Variants in IGSF11 observed in about 807,000 individuals in gnomAD.
The protein encoded by IGSF11 is CXADR like 1.
IGSF11 carries 22 observed loss-of-function variants against 41.0 expected under a neutral mutation model. That is an observed-to-expected ratio of 0.54 (90% CI 0.38 to 0.77). The LOEUF (loss-of-function observed/expected upper bound fraction) is 0.77, where lower values mean the gene tolerates loss of function less well. IGSF11 is among the 30% of genes least tolerant of loss of function. IGSF11 has a pLI of 0.00. For missense variants in IGSF11, 444 were observed against 530.8 expected (o/e 0.84, Z 1.61); for synonymous variants, 219 against 201.3 (o/e 1.09, Z -0.74).
chr3:119,142,240 A>G (rs2077658507), intron 1 of IGSF11, among the ~76,000 whole-genome samples: 1 of 140,892 alleles, frequency 7.1e-6, no homozygotes, highest in East Asian at 2.1e-4. Context: ...GCGCCACTGC[A>G]TTCCAGCCTG....
At chr3:119,109,830 C>T (rs1030407324), upstream of IGSF11, among the ~76,000 whole-genome samples, 17 of 152,106 alleles carry the variant, frequency 1.1e-4, no homozygotes, top group Non-Finnish European at 1.5e-4. Context: ...TTTATTTCTG[C>T]CTTCCCTTCG....
At chr3:119,032,534 T>C (rs1264059454) in intron 1 of IGSF11, among the ~76,000 whole-genome samples, 1 of 152,150 alleles carries the variant, frequency 6.6e-6, no homozygotes, top group African/African-American at 2.4e-5. Context: ...CCAACTACTT[T>C]TTGGCTCTTT....
chr3:119,045,989 T>C (rs1189019463), intron 1 of IGSF11, among the ~76,000 whole-genome samples: 7 of 151,228 alleles, frequency 4.6e-5, no homozygotes, highest in East Asian at 1.9e-4. Context: ...CAAAAACCCA[T>C]CTGTACATCA....
Position 119,102,699 on chromosome 3 carries a change from C to T in IGSF11, c.49+2445G>A, listed in dbSNP as rs184944966. ...TCAATTATTTTTGTCCCTAATACTT[C>T]TAAATTTTTTGTGGATTCTGTTTCA... On this transcript the variant is annotated intron_variant, in intron 1 of 6. Coordinates refer to the IGSF11 transcript ENST00000354673. 3.9e-5 allele frequency among the ~76,000 whole-genome samples: 6 copies of T among 152,260 alleles called. 1 individual carries two copies. The East Asian group carries it at 7.7e-4, about 20-fold the overall frequency.
intron 1 of IGSF11, among the ~76,000 whole-genome samples, chr3:119,114,484 CA>C (rs1203035624): frequency 6.6e-6 from 1 of 152,190 alleles, no homozygotes; most frequent in African/African-American, 2.4e-5. Flanking sequence ...ATCCCTAGGG[CA>C]GAGGCACAAT....
intron 1 of IGSF11, among the ~76,000 whole-genome samples, chr3:118,981,076 T>A (rs527964083): frequency 6.6e-6 from 1 of 152,344 alleles, no homozygotes; most frequent in South Asian, 2.1e-4. Flanking sequence ...ACCTCAAGGA[T>A]CACTTGTGTT....
At chr3:119,042,126 AC>A (rs1941139440) in intron 1 of IGSF11, among the ~76,000 whole-genome samples, 1 of 152,224 alleles carries the variant, frequency 6.6e-6, no homozygotes. Flanking sequence ...AATGCAATGC[AC>A]CACACTGAGG....
intron 1 of IGSF11, among the ~76,000 whole-genome samples, chr3:119,128,400 G>A (rs1480953198): frequency 6.6e-6 from 1 of 151,822 alleles, no homozygotes; most frequent in Non-Finnish European, 1.5e-5. Context: ...GAGAGAGAGA[G>A]AAAGGAAGGA....
chr3:119,108,871 G>A (rs1266711521), upstream of IGSF11, among the ~76,000 whole-genome samples: 11 of 141,968 alleles, frequency 7.7e-5, no homozygotes, highest in African/African-American at 2.5e-4. Flanking sequence ...CTTTGGTTCT[G>A]TTTATATGCT....
At chr3:118,926,632 G>A (rs1942342307) in intron 3 of IGSF11, among the ~76,000 whole-genome samples, 1 of 152,160 alleles carries the variant, frequency 6.6e-6, no homozygotes, top group Admixed American at 6.5e-5. Context: ...CAAGATTTCA[G>A]GGAAAAACAA....
chr3:118,972,646 A>C (rs1933573177), intron 1 of IGSF11, among the ~76,000 whole-genome samples: 1 of 152,188 alleles, frequency 6.6e-6, no homozygotes, highest in Non-Finnish European at 1.5e-5. Context: ...GGACAGATAG[A>C]TCCTCGTTAT....
intron 1 of IGSF11, among the ~76,000 whole-genome samples, chr3:119,078,059 A>G (rs765073800): frequency 3.2e-4 from 49 of 152,220 alleles, no homozygotes; most frequent in Non-Finnish European, 5.9e-4. Flanking sequence ...GCTCATGACT[A>G]GAAAACATCG....
upstream of IGSF11, among the ~76,000 whole-genome samples, chr3:119,036,724 C>T (rs897772369): frequency 2.6e-5 from 4 of 151,890 alleles, no homozygotes; most frequent in African/African-American, 9.7e-5. Context: ...CCCCTGACCC[C>T]AAATAAGTTC....
chr3:119,068,927 C>CTTTTTTTTTTTT (rs574659492), intron 1 of IGSF11, among the ~76,000 whole-genome samples: 22 of 81,004 alleles, frequency 2.7e-4, no homozygotes, highest in South Asian at 4.5e-4. Context: ...TTTTTTTTTT[C>CTTTTTTTTTTTT]TTTTTTTTTT....
chr3:118,941,934 G>A (rs565852347), intron 1 of IGSF11, among the ~76,000 whole-genome samples: 1 of 152,258 alleles, frequency 6.6e-6, no homozygotes, highest in South Asian at 2.1e-4. Context: ...TATACAGGCA[G>A]AAAACAAAGC....
intron 4 of IGSF11, among the ~76,000 whole-genome samples, chr3:118,907,144 G>A (rs1244448139): frequency 6.6e-6 from 1 of 152,102 alleles, no homozygotes; most frequent in Non-Finnish European, 1.5e-5. Context: ...TCCCCATCCT[G>A]GGTTACTTAT....
intron 1 of IGSF11, among the ~76,000 whole-genome samples, chr3:119,103,226 T>G (rs557150211): frequency 1.2e-3 from 178 of 152,296 alleles, no homozygotes; most frequent in Non-Finnish European, 2.2e-3. Context: ...CTCGATCTCC[T>G]GACCTCTTGA....
intron 1 of IGSF11, among the ~76,000 whole-genome samples, chr3:118,959,770 C>G (rs1042444227): frequency 6.6e-6 from 1 of 152,030 alleles, no homozygotes; most frequent in Non-Finnish European, 1.5e-5. Flanking sequence ...AAATGTGGGC[C>G]GGGCGCAGTA....
At chr3:119,100,352 G>A (rs964771976) in intron 1 of IGSF11, among the ~76,000 whole-genome samples, 2 of 152,200 alleles carry the variant, frequency 1.3e-5, no homozygotes, top group Non-Finnish European at 2.9e-5. Context: ...TCAACAGTGG[G>A]TTGATGTGGA....
Sources: allele counts gnomAD v4.1 joint callset (sites outside exome capture counted in the v4.1 genomes callset), GRCh38; gene constraint gnomAD v4.1.1; transcripts MANE v1.5; gene names NCBI Gene and HGNC (gene_info 2026-07-23, HGNC 2026-07-21).